The following CAPN7 variants were observed in gnomAD, a reference collection of about 807,000 sequenced individuals.
CAPN7 encodes calpain 7, also known as calpain-7.
In CAPN7, 72 loss-of-function variants were observed where a neutral mutation model predicts 115.2. The ratio of observed to expected loss-of-function variants is 0.63; its 90% CI spans 0.52 to 0.76. The LOEUF (loss-of-function observed/expected upper bound fraction) is 0.76, where lower values mean the gene tolerates loss of function less well. Among genes scored for constraint, CAPN7 ranks in the 30% least tolerant of loss-of-function variants. The probability of loss-of-function intolerance (pLI) is 0.00; values close to 1 mark genes in which losing one functional copy is unlikely to be tolerated. For synonymous variants in CAPN7, 344 were observed against 322.3 expected (o/e 1.07, Z -0.72); for missense variants, 905 against 971.5 (o/e 0.93, Z 0.91).
intron 1 of CAPN7, among the ~76,000 whole-genome samples, chr3:15,209,319 C>G (rs1460078239): frequency 6.6e-6 from 1 of 152,034 alleles, no homozygotes; most frequent in Admixed American, 6.6e-5. Flanking sequence ...CTATTTTTTT[C>G]TTTTTTTATT....
chr3:15,237,968 C>CA (rs1442702603), intron 12 of CAPN7, among the ~76,000 whole-genome samples: 6 of 151,722 alleles, frequency 4.0e-5, no homozygotes, highest in Admixed American at 6.6e-5. Context: ...CACCCTGCCT[C>CA]AAAAAATGTA....
intron 18 of CAPN7, 134 bp downstream of exon 18, chr3:15,246,928 A>G (rs928380939): frequency 1.4e-6 from 1 of 717,534 alleles, no homozygotes; most frequent in Non-Finnish European, 2.4e-6. Context: ...AATGGCCTCA[A>G]TTTGGGTTGG....
chr3:15,217,457 A>G lies in CAPN7; in HGVS notation c.244A>G (p.Lys82Glu). 1 of 1,613,616 alleles carries G rather than the reference A, an allele frequency of 6.2e-7. No homozygotes were observed. Among genetic ancestry groups the G allele is most frequent in the Non-Finnish European group, 8.5e-7 (1 of 1,179,792 alleles). ...QSKSADPLKS[K>E]HQLDLERAHF... ...AAAGAGTGCTGATCCTTTGAAGTCAAAACATCAGTTGGACTTAGAGCGTGC... is the reference window on the plus strand; with the variant it reads ...AAAGAGTGCTGATCCTTTGAAGTCAGAACATCAGTTGGACTTAGAGCGTGC... Residue 82 changes from lysine (K) to glutamate (E), a missense_variant, in exon 3 of 21, where the codon AAA (lysine) becomes GAA (glutamate). Lys to Glu is a moderately conservative substitution (Grantham distance 56). Transcript: ENST00000253693.
intron 12 of CAPN7, among the ~76,000 whole-genome samples, 182 bp from the exon 13 acceptor site, chr3:15,240,291 T>G (rs542009145): frequency 2.0e-5 from 3 of 152,298 alleles, no homozygotes; most frequent in Admixed American, 1.3e-4. Context: ...CTCTAGGGAG[T>G]AGGCAGCCAT....
chr3:15,224,265 A>AT (rs113901975), intron 6 of CAPN7, among the ~76,000 whole-genome samples: 1,609 of 145,140 alleles, frequency 0.011, 25 homozygotes, highest in African/African-American at 0.033. Flanking sequence ...GATGTCCCAA[A>AT]TTTTTTTTTT....
Position 15,228,960 on chromosome 3 carries a change from A to G in CAPN7, c.853-14A>G. ...GTGAATGAATATGAATATGTTAATT[A>G]TTCTTATTAACAGACAATAGTATCG... On this transcript the variant is annotated splice_polypyrimidine_tract_variant and intron_variant, in intron 7 of 20. Coordinates refer to ENST00000253693, the MANE Select transcript of CAPN7 (RefSeq NM_014296.3). 6.3e-7 allele frequency: 1 copy of G among 1,586,438 alleles called. No homozygotes were observed. The highest frequency in any genetic ancestry group is 8.6e-7 in the Non-Finnish European group (1 of 1,156,684).
intron 9 of CAPN7, among the ~76,000 whole-genome samples, chr3:15,231,109 A>G (rs1371276330): frequency 6.6e-6 from 1 of 152,208 alleles, no homozygotes; most frequent in Non-Finnish European, 1.5e-5. Flanking sequence ...TTCAGGCTTC[A>G]CCCTAGACCT....
chr3:15,218,798 C>T (rs1014903222), intron 4 of CAPN7, among the ~76,000 whole-genome samples: 5 of 152,160 alleles, frequency 3.3e-5, no homozygotes, highest in Admixed American at 6.5e-5. Context: ...CAATGGAGGA[C>T]CTCCTTTCTG....
At chr3:15,248,302 A>G (rs1169994614) in intron 19 of CAPN7, among the ~76,000 whole-genome samples, 3 of 152,258 alleles carry the variant, frequency 2.0e-5, no homozygotes, top group Admixed American at 6.5e-5. Context: ...AACATTTAAG[A>G]TTATAATATA....
chr3:15,211,756 A>G (rs115001178), intron 1 of CAPN7, among the ~76,000 whole-genome samples: 1,740 of 152,140 alleles, frequency 0.011, 36 homozygotes, highest in African/African-American at 0.038. Context: ...TTAACCAGGT[A>G]TGGTGGTGTA....
In CAPN7 at chr3:15,206,601, G is replaced by A; in HGVS notation, c.102+4G>A. On this transcript the variant is annotated splice_donor_region_variant and intron_variant, in intron 1 of 20. Transcript: ENST00000253693. Reference sequence around the variant, plus strand: ...CGAGGCGGTGTTTTATTACAAGGTAGGGCCGGGCCCGGCGCTTCGGTCGGA... The same window carrying A: ...CGAGGCGGTGTTTTATTACAAGGTAAGGCCGGGCCCGGCGCTTCGGTCGGA... 6.5e-7 allele frequency: 1 copy of A among 1,542,492 alleles called. No individual in the cohort carries two copies. The highest frequency in any genetic ancestry group is 8.7e-7 in the Non-Finnish European group (1 of 1,142,908).
chr3:15,249,006 C>CAAAAAAAAAAAAAAAAAAAA (rs1460568964), intron 19 of CAPN7, among the ~76,000 whole-genome samples: 5 of 50,712 alleles, frequency 9.9e-5, no homozygotes, highest in African/African-American at 4.8e-4. Flanking sequence ...ATACAACAAC[C>CAAAAAAAAAAAAAAAAAAAA]AAAAAAAAAA....
Position 15,232,678 on chromosome 3 carries a change from T to G in CAPN7, c.1179+13T>G. 6.3e-7 allele frequency: 1 copy of G among 1,590,228 alleles called. No individual in the cohort carries two copies. The highest frequency in any genetic ancestry group is 8.5e-7 in the Non-Finnish European group (1 of 1,171,394). On this transcript the variant is annotated intron_variant, in intron 10 of 20. Coordinates refer to ENST00000253693, the MANE Select transcript of CAPN7 (RefSeq NM_014296.3). ...AGGATCCAACTCCGTAAGTAATAGA[T>G]AAGACGATCCAGACACAGATTTAAG...
At chr3:15,222,958 T>C (rs951495720) in intron 5 of CAPN7, among the ~76,000 whole-genome samples, 2 of 152,174 alleles carry the variant, frequency 1.3e-5, no homozygotes, top group African/African-American at 4.8e-5. Flanking sequence ...TATAGATAAA[T>C]AAGCATATAC....
intron 14 of CAPN7, 47 bp from the exon 15 acceptor site, chr3:15,241,406 C>A (rs370791460): frequency 3.1e-5 from 49 of 1,581,968 alleles, no homozygotes; most frequent in Non-Finnish European, 5.2e-6. Flanking sequence ...TATTTTAGCT[C>A]TATGAGAAAT....
In CAPN7 at chr3:15,212,196, A is replaced by G. The variant is rs762001265; in HGVS notation, c.195A>G (p.Gln65=). The change falls in exon 2 of 21, where the codon CAA becomes CAG. Residue 65 remains glutamine (Q), a synonymous_variant. Transcript: ENST00000253693. The part of the protein sequence containing the change: ...EKITEYLERV[Q]ALHSAVQSKS... Reference sequence around the variant, plus strand: ...TAACTGAGTATCTGGAAAGAGTTCAAGCTCTACATTCAGCAGGTTAGTAAA... The same window carrying G: ...TAACTGAGTATCTGGAAAGAGTTCAGGCTCTACATTCAGCAGGTTAGTAAA... 3 of 1,600,486 alleles carry G rather than the reference A, an allele frequency of 1.9e-6. No homozygotes were observed. Among genetic ancestry groups the G allele is most frequent in the Non-Finnish European group, 2.6e-6 (3 of 1,169,550 alleles).
Position 15,235,031 on chromosome 3 carries a change from C to T in CAPN7, c.1293C>T (p.His431=). 1 of 1,603,602 alleles carries T rather than the reference C, an allele frequency of 6.2e-7. No individual in the cohort carries two copies. The highest frequency in any genetic ancestry group is 8.5e-7 in the Non-Finnish European group (1 of 1,176,974). Residue 431 remains histidine (H), a synonymous_variant, in exon 12 of 21, where the codon CAC becomes CAT. Coordinates refer to ENST00000253693, the MANE Select transcript of CAPN7 (RefSeq NM_014296.3). ...TCTTTGGGGTTCATTCCAGATTTCA[C>T]AAAGGAGATGTCCTCATCACTGCGT... The part of the protein sequence containing the change: ...NSFRMLYQRF[H]KGDVLITAST...
rs1388875173 is a variant in CAPN7 at position 15,206,511 on chromosome 3, C to T, written c.16C>T (p.Leu6=). The part of the protein sequence containing the change: MDATA[L]ERDAVQFARL... ...CCACTGCGCCATGGACGCCACAGCA[C>T]TGGAGCGGGACGCTGTGCAGTTCGC... The change falls in exon 1 of 21, where the codon CTG becomes TTG. Residue 6 remains leucine (L), a synonymous_variant. Coordinates refer to ENST00000253693, the MANE Select transcript of CAPN7 (RefSeq NM_014296.3). 2 of 1,552,168 alleles carry T rather than the reference C, an allele frequency of 1.3e-6. No individual in the cohort carries two copies. Among genetic ancestry groups the T allele is most frequent in the East Asian group, 2.4e-5 (1 of 41,088 alleles).
At position 15,236,588 on chromosome 3, in the gene CAPN7, T is replaced by C. The variant is rs146462438; in HGVS notation, c.1407+1443T>C. 7.2e-3 allele frequency among the ~76,000 whole-genome samples: 1,103 copies of C among 152,274 alleles called. 12 individuals are homozygous for C. The highest frequency in any genetic ancestry group is 0.023 in the African/African-American group (971 of 41,554). Reference sequence around the variant, plus strand: ...TGAGTGTACATTCTAAGAAATGCATTGTTAGGTGATTTTGTTGTGGCATGA... The same window carrying C: ...TGAGTGTACATTCTAAGAAATGCATCGTTAGGTGATTTTGTTGTGGCATGA... On this transcript the variant is annotated intron_variant, in intron 12 of 20. Coordinates refer to ENST00000253693, the MANE Select transcript of CAPN7 (RefSeq NM_014296.3).
Sources: gnomAD v4.1 joint callset for allele counts (sites outside exome capture counted in the v4.1 genomes callset) on GRCh38, gnomAD v4.1.1 for gene constraint, MANE v1.5 for transcripts, NCBI Gene and HGNC (gene_info 2026-07-23, HGNC 2026-07-21) for gene names.